Variants in MYLIP observed in about 807,000 individuals in gnomAD.
MYLIP encodes myosin regulatory light chain interacting protein.
In MYLIP, 26 loss-of-function variants were observed where a neutral mutation model predicts 45.8. The ratio of observed to expected loss-of-function variants is 0.57; its 90% confidence interval spans 0.42 to 0.79. The LOEUF (loss-of-function observed/expected upper bound fraction) is 0.79. Among genes scored for constraint, MYLIP ranks in the 30% least tolerant of loss-of-function variants. The pLI is 0.00. For synonymous variants in MYLIP, 213 were observed against 218.1 expected, an observed-to-expected ratio of 0.98 and a Z score of 0.21; for missense variants, 494 against 555.6, an observed-to-expected ratio of 0.89 and a Z score of 1.11.
the MYLIP span, among the ~76,000 whole-genome samples, chr6:16,158,456 T>C: frequency 6.6e-6 from 1 of 152,152 alleles, no homozygotes; most frequent in African/African-American, 2.4e-5. Flanking sequence ...AATATGAACA[T>C]CCCTAAGAAT....
In MYLIP at chr6:16,133,910, C is replaced by G. The variant is rs1181578905; in HGVS notation, c.278+3163C>G. 5.9e-5 allele frequency among the ~76,000 whole-genome samples: 9 copies of G among 152,254 alleles called. 1 individual carries two copies. Among genetic ancestry groups the G allele is most frequent in the East Asian group, 5.8e-4 (3 of 5,182 alleles). ...CAGACTAAATGTTCACAGAAATGCT[C>G]TAATCCTGGATGTTAAATTTCATCC... On this transcript the variant is annotated intron_variant, in intron 2 of 6. Coordinates refer to ENST00000356840, the MANE Select transcript of MYLIP (RefSeq NM_013262.4).
At chr6:16,156,079 AGTCAAGCCTATCCCTCTGAT>A in the MYLIP span, among the ~76,000 whole-genome samples, 1 of 152,172 alleles carries the variant, frequency 6.6e-6, no homozygotes, top group Non-Finnish European at 1.5e-5. Context: ...GTCCCTCTGA[AGTCAAGCCTATCCCTCTGAT>A]GTCAAGCTGC....
downstream of MYLIP, among the ~76,000 whole-genome samples, chr6:16,151,775 G>T (rs1192966792): frequency 6.6e-6 from 1 of 152,198 alleles, no homozygotes; most frequent in African/African-American, 2.4e-5. Context: ...GAACAGACCT[G>T]CCGGTTGCTT....
At chr6:16,134,174 A>G (rs1194093217) in intron 2 of MYLIP, among the ~76,000 whole-genome samples, 2 of 152,050 alleles carry the variant, frequency 1.3e-5, no homozygotes, top group Non-Finnish European at 2.9e-5. Context: ...AATAACCTAA[A>G]CTCCATTAAA....
At chr6:16,157,030 C>T in the MYLIP span, among the ~76,000 whole-genome samples, 49,840 of 152,126 alleles carry the variant, frequency 0.33, 10,152 homozygotes, top group East Asian at 0.72. Flanking sequence ...ACTTAACATC[C>T]ACATGACTTT....
intron 2 of MYLIP, among the ~76,000 whole-genome samples, chr6:16,139,476 C>T (rs988243071): frequency 1.5e-4 from 23 of 151,994 alleles, no homozygotes; most frequent in Admixed American, 7.9e-4. Context: ...TCTTTCAGAG[C>T]GTAATTTCTT....
intron 2 of MYLIP, among the ~76,000 whole-genome samples, chr6:16,134,877 C>T (rs918449457): frequency 4.6e-5 from 7 of 152,048 alleles, no homozygotes; most frequent in Non-Finnish European, 8.8e-5. Flanking sequence ...GTCTGGGTAT[C>T]TTTAGGCCCT....
At chr6:16,160,810 A>G in the MYLIP span, 1 of 152,192 alleles carries the variant, frequency 6.6e-6, no homozygotes, top group Non-Finnish European at 1.5e-5. Flanking sequence ...AAAAAAATTA[A>G]CTTAAAACAT....
intron 1 of MYLIP, 80 bp from the exon 2 acceptor site, chr6:16,130,477 A>C: frequency 7.2e-7 from 1 of 1,396,378 alleles, no homozygotes. Context: ...AAGCACCAGC[A>C]ATCTTAGCCT....
At chr6:16,158,679 T>C in the MYLIP span, among the ~76,000 whole-genome samples, 1 of 152,076 alleles carries the variant, frequency 6.6e-6, no homozygotes, top group East Asian at 1.9e-4. Context: ...GGAATAAAGA[T>C]AATACATGTT....
At position 16,130,691 on chromosome 6, in the gene MYLIP, T is replaced by A. The variant is rs753587065; in HGVS notation, c.222T>A (p.Leu74=). Residue 74 remains leucine, a synonymous_variant, in exon 2 of 7, where the codon CTT becomes CTA. Coordinates refer to ENST00000356840, the MANE Select transcript of MYLIP (RefSeq NM_013262.4). ...TGGATGGGCTAGCCCCTTACAGGCT[T>A]AAACTTAGAGTCAAGTTCTTCGTGG... ...QQMDGLAPYR[L]KLRVKFFVEP... 1 of 1,614,166 alleles carries A rather than the reference T, an allele frequency of 6.2e-7. No homozygotes were observed. Among genetic ancestry groups the A allele is most frequent in the South Asian group, 1.1e-5 (1 of 91,084 alleles).
intron 2 of MYLIP, among the ~76,000 whole-genome samples, chr6:16,133,496 G>A (rs568153297): frequency 6.6e-6 from 1 of 152,314 alleles, no homozygotes; most frequent in South Asian, 2.1e-4. Context: ...GCATATTTCA[G>A]AGATGGAGAC....
chr6:16,159,297 A>T, the MYLIP span, among the ~76,000 whole-genome samples: 1 of 152,204 alleles, frequency 6.6e-6, no homozygotes, highest in Non-Finnish European at 1.5e-5. Context: ...GGCACTCTAC[A>T]AACAAGCCCT....
the MYLIP span, among the ~76,000 whole-genome samples, chr6:16,159,675 G>A: frequency 2.0e-5 from 3 of 152,158 alleles, no homozygotes; most frequent in African/African-American, 7.2e-5. Flanking sequence ...AGCCAGTCCT[G>A]CCTGGAATAA....
At chr6:16,139,967 A>G (rs1021389813) in intron 2 of MYLIP, among the ~76,000 whole-genome samples, 1 of 152,202 alleles carries the variant, frequency 6.6e-6, no homozygotes, top group Non-Finnish European at 1.5e-5. Flanking sequence ...AAATAAGATT[A>G]ATGGCTCTTG....
the MYLIP span, among the ~76,000 whole-genome samples, chr6:16,153,829 G>A: frequency 6.6e-6 from 1 of 152,200 alleles, no homozygotes; most frequent in East Asian, 1.9e-4. Flanking sequence ...CGGGTTACCT[G>A]TTCAAGCTGA....
At chr6:16,132,561 G>A (rs1429749981) in intron 2 of MYLIP, among the ~76,000 whole-genome samples, 2 of 152,130 alleles carry the variant, frequency 1.3e-5, no homozygotes, top group Non-Finnish European at 2.9e-5. Context: ...CTTTTAATAT[G>A]TTGGTGAATT....
intron 2 of MYLIP, among the ~76,000 whole-genome samples, chr6:16,140,537 C>T (rs950482389): frequency 1.6e-4 from 24 of 152,292 alleles, no homozygotes; most frequent in Admixed American, 5.2e-4. Context: ...ATGTCAAATA[C>T]TGTACCAGAG....
rs11394742 is a variant in MYLIP at position 16,131,029 on chromosome 6, G to GAAAAAAAAAA, written c.278+292_278+301dup. 1.5e-3 allele frequency among the ~76,000 whole-genome samples: 170 copies of GAAAAAAAAAA among 115,200 alleles called. 5 individuals are homozygous for GAAAAAAAAAA. The highest frequency in any genetic ancestry group is 4.3e-3 in the African/African-American group (128 of 29,812). The allele number at this position is 115,200 out of a possible 152,430, so 75.6% of individuals were successfully genotyped here. On this transcript the variant is annotated intron_variant, in intron 2 of 6. Transcript: ENST00000356840. ...ACACTTGAGATAAGTGCTACCCCAG[G>GAAAAAAAAAA]AAAAAAAAAAAAAAAAAAAGAAACC... is the stretch of plus-strand genomic sequence containing the variant.
Sources: allele counts gnomAD v4.1 joint callset (sites outside exome capture counted in the v4.1 genomes callset), GRCh38; gene constraint gnomAD v4.1.1; transcripts MANE v1.5; gene names NCBI Gene and HGNC (gene_info 2026-07-23, HGNC 2026-07-21).